Variants in NRG1 observed in about 807,000 individuals in gnomAD.
NRG1 encodes the protein neuregulin 1, also known as pro-neuregulin-1, membrane-bound isoform.
NRG1 carries 18 observed loss-of-function variants against 63.8 expected under a neutral mutation model. The ratio of observed to expected loss-of-function variants is 0.28; its 90% CI spans 0.19 to 0.42. NRG1 has a LOEUF of 0.42. Ranked by LOEUF, NRG1 falls within the 10% of genes least tolerant of loss-of-function variation. The pLI, the probability that NRG1 is intolerant of heterozygous loss-of-function variation, is 1.00. For synonymous variants in NRG1, 302 were observed against 301.3 expected (o/e 1.00, Z -0.02); for missense variants, 762 against 814.7 (o/e 0.94, Z 0.79).
At chr8:32,462,724 C>T (rs940059621) in intron 1 of NRG1, among the ~76,000 whole-genome samples, 7 of 150,942 alleles carry the variant, frequency 4.6e-5, no homozygotes, top group African/African-American at 1.7e-4. Flanking sequence ...CTGCCTCAGC[C>T]TGCCGAGTAG....
In NRG1 at chr8:32,030,670, G is replaced by T. The variant is rs1178509316; in HGVS notation, c.37+391239G>T. Among the ~76,000 whole-genome samples, 3 of 151,936 alleles carry T rather than the reference G, an allele frequency of 2.0e-5. No individual in the cohort carries two copies. The East Asian group carries it at 5.8e-4, about 29-fold the overall frequency. Reference sequence around the variant, plus strand: ...TATGCAGAATTATTCTTGTCCCTTTGCCTCTGCTTAATCCCCTTCACAAAG... The same window carrying T: ...TATGCAGAATTATTCTTGTCCCTTTTCCTCTGCTTAATCCCCTTCACAAAG... On this transcript the variant is annotated intron_variant, in intron 1 of 10. Coordinates refer to the NRG1 transcript ENST00000519301.
At chr8:31,687,016 GC>G (rs1353912024) in intron 1 of NRG1, among the ~76,000 whole-genome samples, 2 of 152,052 alleles carry the variant, frequency 1.3e-5, no homozygotes, top group African/African-American at 4.8e-5. Context: ...GGATCTGCCA[GC>G]CTCGGCCTCC....
chr8:31,947,934 G>T (rs1373814080), intron 1 of NRG1, among the ~76,000 whole-genome samples: 2 of 102,066 alleles, frequency 2.0e-5, no homozygotes, highest in African/African-American at 4.0e-5. Context: ...TACAGAGTGA[G>T]ACTCCATCTC....
At chr8:32,351,162 G>A (rs1415810189) in intron 1 of NRG1, among the ~76,000 whole-genome samples, 2 of 152,032 alleles carry the variant, frequency 1.3e-5, no homozygotes, top group Non-Finnish European at 2.9e-5. Flanking sequence ...CTCAGGGCTG[G>A]TCTCCCTGCA....
At chr8:32,663,673 AAGG>A (rs1803432451) in intron 5 of NRG1, among the ~76,000 whole-genome samples, 1 of 152,144 alleles carries the variant, frequency 6.6e-6, no homozygotes, top group African/African-American at 2.4e-5. Context: ...AAGCAGCAAA[AAGG>A]AGGTTATCAA....
intron 1 of NRG1, among the ~76,000 whole-genome samples, chr8:31,729,239 T>G (rs1292054886): frequency 5.5e-4 from 5 of 9,078 alleles, no homozygotes; most frequent in Non-Finnish European, 1.3e-3. Flanking sequence ...TAAACAAAGT[T>G]TTTTTTTTTT....
At chr8:32,640,623 C>T (rs1040649611) in intron 5 of NRG1, among the ~76,000 whole-genome samples, 1 of 48,722 alleles carries the variant, frequency 2.1e-5, no homozygotes, top group African/African-American at 8.0e-5. Context: ...CAGACCCGCA[C>T]ACACACACAC....
chr8:32,419,481 T>C lies in NRG1; in HGVS notation c.38-176347T>C, dbSNP rs562331907. On this transcript the variant is annotated intron_variant, in intron 1 of 10. Coordinates refer to the NRG1 transcript ENST00000519301. ...GGCATCACAAGTGGCTGGCCTATAT[T>C]CATGTAAAGGTAGAACTAGACCCCA... Among the ~76,000 whole-genome samples the C allele has an allele frequency of 4.4e-3, 663 of 152,258 alleles. 2 individuals are homozygous for C. Among genetic ancestry groups the C allele is most frequent in the Non-Finnish European group, 6.0e-3 (407 of 68,016 alleles).
At chr8:31,995,124 G>T (rs1248434084) in intron 1 of NRG1, among the ~76,000 whole-genome samples, 2 of 151,862 alleles carry the variant, frequency 1.3e-5, no homozygotes, top group Non-Finnish European at 2.9e-5. Context: ...TATCCCCATA[G>T]AATTTCCTTC....
chr8:31,806,710 C>A (rs767921307), intron 1 of NRG1, among the ~76,000 whole-genome samples: 1 of 151,962 alleles, frequency 6.6e-6, no homozygotes, highest in Non-Finnish European at 1.5e-5. Flanking sequence ...ATAATTAACC[C>A]TTTTTTTAAG....
At chr8:32,142,990 A>G (rs1255238005) in intron 1 of NRG1, among the ~76,000 whole-genome samples, 3 of 152,220 alleles carry the variant, frequency 2.0e-5, no homozygotes, top group South Asian at 2.1e-4. Context: ...GAGGCAAACC[A>G]AAGTCCTGTT....
chr8:32,436,288 A>C (rs1818780968), intron 1 of NRG1, among the ~76,000 whole-genome samples: 1 of 152,118 alleles, frequency 6.6e-6, no homozygotes, highest in South Asian at 2.1e-4. Context: ...CCCATGATTC[A>C]ACTGTCTTCC....
At chr8:31,808,312 T>C (rs1318175773) in intron 1 of NRG1, among the ~76,000 whole-genome samples, 2 of 152,100 alleles carry the variant, frequency 1.3e-5, no homozygotes, top group African/African-American at 4.8e-5. Flanking sequence ...TTTCATCTTT[T>C]GTTTCAATCA....
intron 1 of NRG1, among the ~76,000 whole-genome samples, chr8:31,884,875 G>T (rs902177909): frequency 1.3e-5 from 2 of 152,034 alleles, no homozygotes; most frequent in African/African-American, 2.4e-5. Context: ...GATACAGCAA[G>T]AATTGCTAAA....
At chr8:32,570,394 T>A (rs1410367117) in intron 1 of NRG1, among the ~76,000 whole-genome samples, 3 of 152,184 alleles carry the variant, frequency 2.0e-5, no homozygotes, top group African/African-American at 7.2e-5. Flanking sequence ...AGAACAGACA[T>A]GATTCTTATC....
At chr8:32,324,087 G>T (rs989875070) in intron 1 of NRG1, among the ~76,000 whole-genome samples, 2 of 130,010 alleles carry the variant, frequency 1.5e-5, no homozygotes, top group Non-Finnish European at 3.1e-5. Context: ...TTTCATCAAA[G>T]CCCTCAAAAA....
chr8:32,145,711 T>C (rs1163470880), intron 1 of NRG1, among the ~76,000 whole-genome samples: 1 of 152,224 alleles, frequency 6.6e-6, no homozygotes, highest in Non-Finnish European at 1.5e-5. Flanking sequence ...GACTTTTAGA[T>C]GACATTAGCC....
intron 1 of NRG1, among the ~76,000 whole-genome samples, chr8:31,859,755 T>C (rs555313609): frequency 6.6e-6 from 1 of 152,264 alleles, no homozygotes. Flanking sequence ...TCTTGTTCTA[T>C]CTTTCAGCAA....
At chr8:31,795,411 C>G (rs879816370) in intron 1 of NRG1, among the ~76,000 whole-genome samples, 3 of 152,096 alleles carry the variant, frequency 2.0e-5, no homozygotes, top group Non-Finnish European at 2.9e-5. Context: ...AGTGATAGAG[C>G]GCTTGAATGA....
Sources: allele counts gnomAD v4.1 joint callset (sites outside exome capture counted in the v4.1 genomes callset), GRCh38; gene constraint gnomAD v4.1.1; transcripts MANE v1.5; gene names NCBI Gene and HGNC (gene_info 2026-07-23, HGNC 2026-07-21).